The following ZNF385D variants were observed in gnomAD, a reference collection of about 807,000 sequenced individuals.
The protein encoded by ZNF385D is zinc finger protein 385D, also known as zinc finger protein 659.
ZNF385D carries 15 observed loss-of-function variants against 35.8 expected under a neutral mutation model. The ratio of observed to expected loss-of-function variants is 0.42; its 90% CI spans 0.28 to 0.64. ZNF385D has a LOEUF of 0.64. Among genes scored for constraint, ZNF385D ranks in the 30% least tolerant of loss-of-function variants. The pLI, the probability that ZNF385D is intolerant of heterozygous loss-of-function variation, is 0.23. For synonymous variants in ZNF385D, 212 were observed against 186.8 expected, an observed-to-expected ratio of 1.13 and a Z score of -1.10; for missense variants, 474 against 494.6, an observed-to-expected ratio of 0.96 and a Z score of 0.39.
intron 2 of ZNF385D, among the ~76,000 whole-genome samples, chr3:22,288,122 A>G (rs1015651728): frequency 2.6e-5 from 4 of 152,056 alleles, no homozygotes; most frequent in African/African-American, 9.7e-5. Flanking sequence ...AAAAAAATCC[A>G]CTAATAGTTT....
intron 3 of ZNF385D, among the ~76,000 whole-genome samples, chr3:22,061,924 C>T (rs1003452541): frequency 3.3e-5 from 5 of 152,198 alleles, no homozygotes; most frequent in Non-Finnish European, 7.3e-5. Context: ...TTGTTGGTTG[C>T]TTCATCCCCA....
At chr3:21,854,596 C>G (rs1440884620) in intron 3 of ZNF385D, among the ~76,000 whole-genome samples, 1 of 152,038 alleles carries the variant, frequency 6.6e-6, no homozygotes, top group South Asian at 2.1e-4. Context: ...CAGTCCTATT[C>G]TTATGAGTTT....
chr3:22,091,456 T>C (rs543303938), intron 3 of ZNF385D, among the ~76,000 whole-genome samples: 1 of 152,256 alleles, frequency 6.6e-6, no homozygotes, highest in African/African-American at 2.4e-5. Context: ...TGAGCATATC[T>C]AACTGGCAGG....
intron 2 of ZNF385D, among the ~76,000 whole-genome samples, chr3:22,344,655 C>T (rs1367225719): frequency 1.3e-5 from 2 of 152,064 alleles, no homozygotes; most frequent in East Asian, 3.9e-4. Flanking sequence ...CTCCTGGGCT[C>T]TAGTGTTCTG....
rs1161087505 is a variant in ZNF385D at position 21,949,528 on chromosome 3, ATTTTCTTTCCTTC to A, written c.325+219276_325+219288del. ...GTTCGGCCTTCATCTCCATGCCCCT[ATTTTCTTTCCTTC>A]TTTTCTTTCTTTCTTTTTTTTTTTT... On this transcript the variant is annotated intron_variant, in intron 3 of 5. Transcript: ENST00000494108. 1.3e-4 allele frequency among the ~76,000 whole-genome samples: 6 copies of A among 46,368 alleles called. 1 individual carries two copies. The highest frequency in any genetic ancestry group is 6.0e-4 in the East Asian group (1 of 1,670). The allele number at this position is 46,368 out of a possible 152,430, so 30.4% of individuals were successfully genotyped here. A position where few individuals can be genotyped will look rare whatever the true frequency, so the allele number is the denominator to read the frequency against.
chr3:21,515,011 G>T (rs1200631744), intron 3 of ZNF385D, among the ~76,000 whole-genome samples: 1 of 152,078 alleles, frequency 6.6e-6, no homozygotes, highest in African/African-American at 2.4e-5. Flanking sequence ...CGCCATTTTA[G>T]ATGTAATAAT....
intron 2 of ZNF385D, among the ~76,000 whole-genome samples, chr3:22,337,678 T>C (rs998106650): frequency 1.3e-5 from 2 of 152,238 alleles, no homozygotes; most frequent in African/African-American, 4.8e-5. Context: ...CTGATACTAA[T>C]AGAAACCAAA....
At chr3:22,264,047 T>TA (rs1196187907) in intron 2 of ZNF385D, among the ~76,000 whole-genome samples, 2 of 151,768 alleles carry the variant, frequency 1.3e-5, no homozygotes, top group Non-Finnish European at 2.9e-5. Context: ...TATAAATATA[T>TA]AAAACCCAAA....
intron 3 of ZNF385D, among the ~76,000 whole-genome samples, chr3:21,852,158 C>T (rs985657375): frequency 6.6e-6 from 1 of 151,820 alleles, no homozygotes; most frequent in African/African-American, 2.4e-5. Context: ...TTTTAGTTTT[C>T]GTTGTTAAAC....
intron 2 of ZNF385D, among the ~76,000 whole-genome samples, chr3:22,349,396 T>C (rs1363168925): frequency 6.6e-6 from 1 of 152,190 alleles, no homozygotes; most frequent in African/African-American, 2.4e-5. Flanking sequence ...GACTGCTCAG[T>C]GTGGAGGTAG....
intron 2 of ZNF385D, among the ~76,000 whole-genome samples, chr3:21,577,920 C>A (rs369577316): frequency 3.3e-5 from 5 of 151,964 alleles, no homozygotes; most frequent in African/African-American, 1.2e-4. Flanking sequence ...AGCGATCCTC[C>A]TACCTCAGCC....
chr3:22,125,769 G>C (rs961735711), intron 3 of ZNF385D, among the ~76,000 whole-genome samples: 3 of 152,120 alleles, frequency 2.0e-5, no homozygotes, highest in East Asian at 3.9e-4. Context: ...TGTTGATTTT[G>C]TATCCTGCAA....
At chr3:21,802,685 T>C (rs1255253896) in intron 3 of ZNF385D, among the ~76,000 whole-genome samples, 1 of 152,212 alleles carries the variant, frequency 6.6e-6, no homozygotes, top group East Asian at 1.9e-4. Flanking sequence ...AGAACACTTG[T>C]CCTGGTAGTA....
intron 3 of ZNF385D, among the ~76,000 whole-genome samples, chr3:21,903,466 G>A (rs757306747): frequency 2.0e-5 from 3 of 152,118 alleles, no homozygotes; most frequent in Non-Finnish European, 4.4e-5. Flanking sequence ...TTCATAGACA[G>A]TATCATCTCA....
At chr3:22,345,553 T>C (rs747724555) in intron 2 of ZNF385D, among the ~76,000 whole-genome samples, 48 of 152,322 alleles carry the variant, frequency 3.2e-4, no homozygotes, top group Admixed American at 1.7e-3. Context: ...CCTGCTATCA[T>C]GGAGTTTTCA....
At chr3:22,132,267 A>G (rs4858387) in intron 3 of ZNF385D, among the ~76,000 whole-genome samples, 139,379 of 152,106 alleles carry the variant, frequency 0.92, 64,019 homozygotes, top group African/African-American at 0.98. Context: ...TGCACCTTCT[A>G]ACATATGAGA....
intron 3 of ZNF385D, among the ~76,000 whole-genome samples, chr3:22,130,027 C>G (rs892459835): frequency 3.3e-5 from 5 of 152,118 alleles, no homozygotes; most frequent in African/African-American, 1.2e-4. Flanking sequence ...CTTAAGCCAG[C>G]AGGTTGTAAA....
At chr3:21,787,938 T>A (rs1165878428) in intron 3 of ZNF385D, among the ~76,000 whole-genome samples, 4 of 73,550 alleles carry the variant, frequency 5.4e-5, no homozygotes, top group African/African-American at 2.0e-4. Context: ...CGAGACTTCG[T>A]CTCAACAAAA....
chr3:21,704,649 C>A (rs933300787), intron 1 of ZNF385D, among the ~76,000 whole-genome samples: 6 of 151,922 alleles, frequency 3.9e-5, no homozygotes, highest in African/African-American at 1.5e-4. Context: ...GCTGGGACTA[C>A]AGGCATGCAC....
Sources: gnomAD v4.1 joint callset for allele counts (sites outside exome capture counted in the v4.1 genomes callset) on GRCh38, gnomAD v4.1.1 for gene constraint, MANE v1.5 for transcripts, NCBI Gene and HGNC (gene_info 2026-07-23, HGNC 2026-07-21) for gene names.